ATRNL1: variants seen among roughly 807,000 people sequenced by gnomAD.
ATRNL1 encodes attractin like 1, also known as attractin-like protein 1.
ATRNL1 carries 95 observed loss-of-function variants against 182.7 expected under a neutral mutation model. The ratio of observed to expected loss-of-function variants is 0.52; its 90% CI spans 0.44 to 0.62. The LOEUF (loss-of-function observed/expected upper bound fraction) is 0.62. Among genes scored for constraint, ATRNL1 ranks in the 20% least tolerant of loss-of-function variants. The pLI, the probability that ATRNL1 is intolerant of heterozygous loss-of-function variation, is 0.00. For synonymous variants in ATRNL1, 576 were observed against 568.3 expected (o/e 1.01, Z -0.19); for missense variants, 1,471 against 1,679.5 (o/e 0.88, Z 2.17).
chr10:115,658,242 C>G (rs1175646551), intron 26 of ATRNL1, among the ~76,000 whole-genome samples: 1 of 151,256 alleles, frequency 6.6e-6, no homozygotes, highest in African/African-American at 2.4e-5. Flanking sequence ...ACTACAGGCA[C>G]CTGCCACCAT....
At chr10:115,313,693 A>C (rs781978945) in intron 17 of ATRNL1, among the ~76,000 whole-genome samples, 2 of 152,224 alleles carry the variant, frequency 1.3e-5, no homozygotes, top group Non-Finnish European at 2.9e-5. Context: ...TTCTTAAGAA[A>C]AGATAGTTTT....
At chr10:115,250,879 G>C (rs1386770270) in intron 10 of ATRNL1, among the ~76,000 whole-genome samples, 1 of 152,188 alleles carries the variant, frequency 6.6e-6, no homozygotes, top group Non-Finnish European at 1.5e-5. Context: ...GTAGAACAAT[G>C]TAATGTTCTG....
At chr10:115,194,711 A>T (rs1480124414) in intron 8 of ATRNL1, among the ~76,000 whole-genome samples, 2 of 151,914 alleles carry the variant, frequency 1.3e-5, no homozygotes, top group Admixed American at 6.6e-5. Context: ...GATTCGTAAG[A>T]ACTTATTACT....
rs11815570 is a variant in ATRNL1, at chr10:115,580,521, C to A, written c.3795+30985C>A. Among the ~76,000 whole-genome samples the A allele has an allele frequency of 4.3e-3, 647 of 152,096 alleles. 3 individuals carry two copies. The highest frequency in any genetic ancestry group is 0.015 in the African/African-American group (624 of 41,514). ...TTTCTCACTGCTTTCAAAATTCTCTCGGTCTTTAACTTTTGTCAAATCAAT... is the reference window on the plus strand; with the variant it reads ...TTTCTCACTGCTTTCAAAATTCTCTAGGTCTTTAACTTTTGTCAAATCAAT... On this transcript the variant is annotated intron_variant, in intron 26 of 28. Coordinates refer to ENST00000355044, the MANE Select transcript of ATRNL1 (RefSeq NM_207303.4).
chr10:115,300,371 C>T, intron 16 of ATRNL1, 124 bp downstream of exon 16: 2 of 677,420 alleles, frequency 3.0e-6, no homozygotes, highest in Non-Finnish European at 4.8e-6. Flanking sequence ...TATACACATT[C>T]TTCCCCACTT....
chr10:115,192,292 C>T (rs1212232551), intron 8 of ATRNL1, among the ~76,000 whole-genome samples: 3 of 152,012 alleles, frequency 2.0e-5, no homozygotes, highest in Admixed American at 6.6e-5. Flanking sequence ...AGGTAGGGGT[C>T]TAGTTTCATT....
At chr10:115,492,152 C>T (rs544426428) in intron 24 of ATRNL1, among the ~76,000 whole-genome samples, 14 of 152,280 alleles carry the variant, frequency 9.2e-5, no homozygotes, top group African/African-American at 2.9e-4. Context: ...GTGTCAATCT[C>T]GCTGGGAGCT....
intron 26 of ATRNL1, among the ~76,000 whole-genome samples, chr10:115,717,719 T>G (rs1458913518): frequency 3.3e-5 from 5 of 151,802 alleles, no homozygotes; most frequent in African/African-American, 4.8e-5. Context: ...GCCCAGCTAA[T>G]TTTTGTATTT....
At chr10:115,224,164 T>G (rs1849605082) in intron 9 of ATRNL1, among the ~76,000 whole-genome samples, 1 of 151,356 alleles carries the variant, frequency 6.6e-6, no homozygotes, top group Non-Finnish European at 1.5e-5. Flanking sequence ...CTCAATCTCT[T>G]GACCTCGTGA....
chr10:115,734,867 T>G (rs1220054171), intron 27 of ATRNL1, among the ~76,000 whole-genome samples: 1 of 152,144 alleles, frequency 6.6e-6, no homozygotes. Flanking sequence ...TAAAATTTAT[T>G]TATTTTAGTG....
intron 21 of ATRNL1, among the ~76,000 whole-genome samples, chr10:115,447,144 T>G (rs1847039423): frequency 6.6e-6 from 1 of 151,774 alleles, no homozygotes; most frequent in Non-Finnish European, 1.5e-5. Context: ...TTATGGAAAT[T>G]TAAAATGTGT....
chr10:115,129,107 A>C (rs1845110171), intron 4 of ATRNL1, among the ~76,000 whole-genome samples: 1 of 152,168 alleles, frequency 6.6e-6, no homozygotes, highest in African/African-American at 2.4e-5. Context: ...TTGGTATCAA[A>C]GTAAATCTGT....
chr10:115,289,274 T>A (rs193023307), intron 15 of ATRNL1, among the ~76,000 whole-genome samples: 2 of 152,296 alleles, frequency 1.3e-5, no homozygotes, highest in Admixed American at 6.5e-5. Context: ...CAACACGTGG[T>A]AATTCAAGAT....
chr10:115,675,802 T>A (rs1264537871), intron 26 of ATRNL1, among the ~76,000 whole-genome samples: 2 of 152,096 alleles, frequency 1.3e-5, no homozygotes, highest in Non-Finnish European at 2.9e-5. Flanking sequence ...TATATTCAAT[T>A]TAATTCTTAT....
At chr10:115,928,849 C>T (rs1555120919) in intron 28 of ATRNL1, among the ~76,000 whole-genome samples, 10 of 151,848 alleles carry the variant, frequency 6.6e-5, no homozygotes. Flanking sequence ...GTGAAAAGCA[C>T]CTTTATTACT....
intron 27 of ATRNL1, among the ~76,000 whole-genome samples, chr10:115,824,739 G>A (rs1555091469): frequency 6.6e-6 from 1 of 152,218 alleles, no homozygotes; most frequent in African/African-American, 2.4e-5. Flanking sequence ...ACACCGGTTA[G>A]AATGGCAGTC....
At chr10:115,568,787 A>T (rs1327544607) in intron 26 of ATRNL1, among the ~76,000 whole-genome samples, 1 of 151,992 alleles carries the variant, frequency 6.6e-6, no homozygotes, top group Non-Finnish European at 1.5e-5. Context: ...GTTATAAATT[A>T]AAAAGTTTCA....
intron 27 of ATRNL1, among the ~76,000 whole-genome samples, chr10:115,735,487 C>A (rs1310407278): frequency 2.0e-5 from 3 of 152,170 alleles, no homozygotes; most frequent in South Asian, 2.1e-4. Flanking sequence ...TAGTACCAAA[C>A]CGAGATATAC....
At chr10:115,811,259 G>A (rs527530616) in intron 27 of ATRNL1, among the ~76,000 whole-genome samples, 53 of 151,798 alleles carry the variant, frequency 3.5e-4, no homozygotes, top group African/African-American at 1.3e-3. Context: ...GAAGTGTGTT[G>A]TTTCTAAATG....
Sources: allele counts gnomAD v4.1 joint callset (sites outside exome capture counted in the v4.1 genomes callset), GRCh38; gene constraint gnomAD v4.1.1; transcripts MANE v1.5; gene names NCBI Gene and HGNC (gene_info 2026-07-23, HGNC 2026-07-21).